GABARAPL2: variants seen among roughly 807,000 people sequenced by gnomAD.
The protein encoded by GABARAPL2 is GABA type A receptor associated protein like 2.
Under a neutral mutation model 16.9 loss-of-function variants are expected in GABARAPL2, and 11 were observed. That is an observed-to-expected ratio of 0.65 (90% CI 0.41 to 1.08). The LOEUF (loss-of-function observed/expected upper bound fraction) is 1.08. Among genes scored for constraint, GABARAPL2 ranks in the 50% least tolerant of loss-of-function variants. The pLI is 0.00. For missense variants in GABARAPL2, 134 were observed against 142.5 expected, an observed-to-expected ratio of 0.94 and a Z score of 0.30; for synonymous variants, 57 against 50.7, an observed-to-expected ratio of 1.12 and a Z score of -0.53.
chr16:75,577,387 G>C lies in GABARAPL2; in HGVS notation c.*18G>C. 3 of 1,458,722 alleles carry C rather than the reference G, an allele frequency of 2.1e-6. No homozygotes were observed. Among genetic ancestry groups the C allele is most frequent in the Non-Finnish European group, 2.9e-6 (3 of 1,038,100 alleles). 90.4% of individuals were successfully genotyped at this position (1,458,722 alleles called of 1,614,324 possible). A position where few individuals can be genotyped will look rare whatever the true frequency, so the allele number is the denominator to read the frequency against. On this transcript the variant is annotated 3_prime_UTR_variant, in exon 4 of 4. Transcript: ENST00000037243. ...GCTTCTGAGGGCCATTGCTGGGCTA[G>C]GTGCACCGTAACTGCTTGTGTATCT...
At position 75,568,115 on chromosome 16, in the gene GABARAPL2, G is replaced by A. The variant is rs1276222921; in HGVS notation, c.169G>A (p.Val57Met). 6 of 1,612,610 alleles carry A rather than the reference G, an allele frequency of 3.7e-6. No homozygotes were observed. The highest frequency in any genetic ancestry group is 5.1e-6 in the Non-Finnish European group (6 of 1,178,614). The change falls in exon 3 of 4, where the codon GTG becomes ATG. Residue 57 changes from valine (V) to methionine (M), a missense_variant. Coordinates refer to ENST00000037243, the MANE Select transcript of GABARAPL2 (RefSeq NM_007285.7). ...RKYLVPSDIT[V>M]AQFMWIIRKR... ...GTACTTGGTTCCATCTGATATCACT[G>A]TGGCTCAGTTCATGTGGATCATCAG... is the stretch of plus-strand genomic sequence containing the variant.
At position 75,568,141 on chromosome 16, in the gene GABARAPL2, GA is replaced by G; in HGVS notation, c.199del (p.Arg67GlyfsTer23). The G allele has an allele frequency of 6.2e-7, 1 of 1,612,960 alleles. No homozygotes were observed. The highest frequency in any genetic ancestry group is 8.5e-7 in the Non-Finnish European group (1 of 1,178,926). ...TVAQFMWIIR[K>X]RIQLPSEKAI... ...TGGCTCAGTTCATGTGGATCATCAG[GA>G]AAAGGATCCAGCTTCCTTCTGAAAA... On this transcript the variant is annotated frameshift_variant, in exon 3 of 4. Transcript: ENST00000037243. LOFTEE classifies it high-confidence loss of function.
intron 3 of GABARAPL2, 31 bp downstream of exon 3, chr16:75,568,240 G>A (rs1338331752): frequency 8.0e-6 from 12 of 1,499,792 alleles, no homozygotes; most frequent in East Asian, 2.3e-5. Context: ...GGGCCCTCTG[G>A]TATTAGACAT....
intron 3 of GABARAPL2, 159 bp from the exon 4 acceptor site, chr16:75,577,120 T>C (rs529222425): frequency 1.8e-6 from 1 of 571,168 alleles, no homozygotes; most frequent in East Asian, 2.9e-5. Context: ...TTTATTTTAA[T>C]CTTTTTATGG....
intron 3 of GABARAPL2, chr16:75,568,417 A>T: frequency 2.4e-6 from 1 of 409,080 alleles, no homozygotes; most frequent in Non-Finnish European, 4.4e-6. Context: ...CAAGGCCTGG[A>T]CTTTTAAAAA....
At chr16:75,568,381 G>A in intron 3 of GABARAPL2, 172 bp downstream of exon 3, 1 of 473,548 alleles carries the variant, frequency 2.1e-6, no homozygotes, top group Non-Finnish European at 3.8e-6. Flanking sequence ...ATACATAAGA[G>A]TGCATTTTGG....
At chr16:75,569,141 A>T (rs1205473172) in intron 3 of GABARAPL2, among the ~76,000 whole-genome samples, 2 of 152,234 alleles carry the variant, frequency 1.3e-5, no homozygotes, top group Admixed American at 1.3e-4. Flanking sequence ...AAAATCCTTG[A>T]AGACTCCAGA....
At chr16:75,567,984 G>C (rs2080893941) in intron 2 of GABARAPL2, 53 bp from the exon 3 acceptor site, 1 of 1,448,296 alleles carries the variant, frequency 6.9e-7, no homozygotes, top group African/African-American at 1.4e-5. Flanking sequence ...AGCCATGTGA[G>C]GCCAGAGCCT....
intron 3 of GABARAPL2, among the ~76,000 whole-genome samples, chr16:75,568,875 C>T (rs1184638889): frequency 6.6e-6 from 1 of 152,114 alleles, no homozygotes; most frequent in African/African-American, 2.4e-5. Flanking sequence ...AGCTTTAGTC[C>T]CCTGTGGAAA....
rs1053216103 is a variant in GABARAPL2, at chr16:75,574,706, C to A, written c.264-2573C>A. Among the ~76,000 whole-genome samples, 3 of 152,078 alleles carry A rather than the reference C, an allele frequency of 2.0e-5. No individual in the cohort carries two copies. In the East Asian group the frequency reaches 5.8e-4, roughly 29 times the overall value. On this transcript the variant is annotated intron_variant, in intron 3 of 3. Coordinates refer to ENST00000037243, the MANE Select transcript of GABARAPL2 (RefSeq NM_007285.7). The stretch of plus-strand genomic sequence containing the variant: ...TTTAAAGATGACCCTCCCTTCTCCC[C>A]CCCAACAAAAGGTCAGGCATTTCCC...
chr16:75,568,216 G>A lies in GABARAPL2; in HGVS notation c.263+7G>A. The A allele has an allele frequency of 1.3e-6, 2 of 1,580,168 alleles. No homozygotes were observed. Among genetic ancestry groups the A allele is most frequent in the East Asian group, 2.3e-5 (1 of 44,108 alleles). On this transcript the variant is annotated splice_region_variant and intron_variant, in intron 3 of 3. Coordinates refer to ENST00000037243, the MANE Select transcript of GABARAPL2 (RefSeq NM_007285.7). Reference sequence around the variant, plus strand: ...AGACAGTCCCACAGTCCAGGTGAGAGGTGTTTACTAGATGGGCCCTCTGGT... The same window carrying A: ...AGACAGTCCCACAGTCCAGGTGAGAAGTGTTTACTAGATGGGCCCTCTGGT...
At chr16:75,573,204 G>C (rs1279047485) in intron 3 of GABARAPL2, among the ~76,000 whole-genome samples, 1 of 152,330 alleles carries the variant, frequency 6.6e-6, no homozygotes, top group Non-Finnish European at 1.5e-5. Flanking sequence ...CTGCTAGCAA[G>C]GGTCACATTT....
rs2080881346 is a variant in GABARAPL2, at chr16:75,566,382, C to CGCCGCCGTCGCTGCCGCT, written c.-99_-82dup. ...CCGGAAGTCCCGCCTGCCGTGTAGTCGCCGCCGTCGCTGCCGCTGCCGCTG... is the reference window on the plus strand; with the variant it reads ...CCGGAAGTCCCGCCTGCCGTGTAGTCGCCGCCGTCGCTGCCGCTGCCGCCGTCGCTGCCGCTGCCGCTG... On this transcript the variant is annotated 5_prime_UTR_variant, in exon 1 of 4. Coordinates refer to ENST00000037243, the MANE Select transcript of GABARAPL2 (RefSeq NM_007285.7). 3 of 827,564 alleles carry CGCCGCCGTCGCTGCCGCT rather than the reference C, an allele frequency of 3.6e-6. No individual in the cohort carries two copies. Among genetic ancestry groups the CGCCGCCGTCGCTGCCGCT allele is most frequent in the African/African-American group, 1.8e-5 (1 of 55,636 alleles). The allele number at this position is 827,564 out of a possible 1,614,324, so 51.3% of individuals were successfully genotyped here.
rs964914660 is a variant in GABARAPL2 at position 75,577,636 on chromosome 16, T to C, written c.*267T>C. On this transcript the variant is annotated 3_prime_UTR_variant, in exon 4 of 4. Transcript: ENST00000037243. ...CTTCTGGAAATCATATTGAATGATA[T>C]TTCTATATCGAAGTGAGGTAGGTGC... 1 of 338,922 alleles carries C rather than the reference T, an allele frequency of 3.0e-6. No individual in the cohort carries two copies. Among genetic ancestry groups the C allele is most frequent in the Non-Finnish European group, 5.4e-6 (1 of 183,654 alleles). 21.0% of individuals were successfully genotyped at this position (338,922 alleles called of 1,614,324 possible).
rs11556289 is a variant in GABARAPL2 at position 75,566,442 on chromosome 16, C to T, written c.-45C>T. 3 of 1,450,392 alleles carry T rather than the reference C, an allele frequency of 2.1e-6. No individual in the cohort carries two copies. Among genetic ancestry groups the T allele is most frequent in the South Asian group, 1.2e-5 (1 of 85,342 alleles). The allele number at this position is 1,450,392 out of a possible 1,614,324, so 89.8% of individuals were successfully genotyped here. ...TTGTTGTTGTGCTCGGTGCGCTGAG[C>T]TCCGCGGCTCCGCGAGCCGGTTCCG... On this transcript the variant is annotated 5_prime_UTR_variant, in exon 1 of 4. Transcript: ENST00000037243.
intron 3 of GABARAPL2, among the ~76,000 whole-genome samples, chr16:75,570,197 G>A (rs926537938): frequency 3.9e-5 from 6 of 152,106 alleles, no homozygotes; most frequent in African/African-American, 1.4e-4. Flanking sequence ...CTAGGTTCAA[G>A]TGATCCTCTC....
chr16:75,574,202 A>G (rs1298648688), intron 3 of GABARAPL2, among the ~76,000 whole-genome samples: 1 of 152,202 alleles, frequency 6.6e-6, no homozygotes, highest in Non-Finnish European at 1.5e-5. Context: ...GATAGCATAC[A>G]CAGGCCCGGG....
Position 75,566,414 on chromosome 16 carries a change from T to C in GABARAPL2, c.-73T>C, listed in dbSNP as rs2080882236. The C allele has an allele frequency of 2.6e-6, 3 of 1,150,690 alleles. No homozygotes were observed. The highest frequency in any genetic ancestry group is 3.3e-5 in the African/African-American group (2 of 61,494). The allele number at this position is 1,150,690 out of a possible 1,614,324, so 71.3% of individuals were successfully genotyped here. On this transcript the variant is annotated 5_prime_UTR_variant, in exon 1 of 4. Coordinates refer to ENST00000037243, the MANE Select transcript of GABARAPL2 (RefSeq NM_007285.7). ...GTCGCTGCCGCTGCCGCTGCCGCCG[T>C]CGTTGTTGTTGTGCTCGGTGCGCTG...
At chr16:75,566,704 T>A (rs1942272715) in intron 1 of GABARAPL2, 148 bp from the exon 2 acceptor site, 1 of 965,518 alleles carries the variant, frequency 1.0e-6, no homozygotes, top group East Asian at 2.6e-5. Context: ...CGGGCCTTGC[T>A]GGGAGCTAGT....
Sources: gnomAD v4.1 joint callset for allele counts (sites outside exome capture counted in the v4.1 genomes callset) on GRCh38, gnomAD v4.1.1 for gene constraint, MANE v1.5 for transcripts, NCBI Gene and HGNC (gene_info 2026-07-23, HGNC 2026-07-21) for gene names.